Variants in ZNF816 observed in about 807,000 individuals in gnomAD.
ZNF816 encodes zinc finger protein 816, also known as zinc finger protein 816A.
A neutral mutation model predicts 8.3 loss-of-function variants in ZNF816; 11 were observed. The observed-to-expected ratio is 1.32, with a 90% CI of 0.83 to 2.19. The LOEUF is 2.19. ZNF816 is among the 30% of genes most tolerant of loss of function. The pLI, the probability that ZNF816 is intolerant of heterozygous loss-of-function variation, is 0.00. For missense variants in ZNF816, 710 were observed against 779.3 expected, an observed-to-expected ratio of 0.91 and a Z score of 1.06; for synonymous variants, 255 against 254.5, an observed-to-expected ratio of 1.00 and a Z score of -0.02.
At position 52,956,103 on chromosome 19, in the gene ZNF816, T is replaced by A. The variant is rs199848887; in HGVS notation, c.-14A>T. 59 of 1,601,464 alleles carry A rather than the reference T, an allele frequency of 3.7e-5. 1 individual carries two copies. The Admixed American group carries it at 1.1e-3, about 29-fold the overall frequency. ...CTCACGTAACATGAGTCTTTGGAAA[T>A]CCTGTATGTTAAAAAAGCAAGAGAT... On this transcript the variant is annotated splice_region_variant and 5_prime_UTR_variant, in exon 2 of 4. Transcript: ENST00000444460.
At chr19:52,955,884 G>T in intron 2 of ZNF816, 143 bp downstream of exon 2, 1 of 1,061,470 alleles carries the variant, frequency 9.4e-7, no homozygotes, top group Non-Finnish European at 1.4e-6. Flanking sequence ...AAGTGAAGAT[G>T]AGAGGGACTG....
At chr19:52,961,177 T>C (rs142799110) in intron 1 of ZNF816, among the ~76,000 whole-genome samples, 100 of 152,320 alleles carry the variant, frequency 6.6e-4, no homozygotes, top group African/African-American at 2.0e-3. Flanking sequence ...AAACCTACTA[T>C]GGGTTATAAC....
chr19:52,956,118 A>C lies in ZNF816; in HGVS notation c.-15-14T>G. ...TCTTTGGAAATCCTGTATGTTAAAA[A>C]AGCAAGAGATTTAATATTTAGAAAC... On this transcript the variant is annotated splice_polypyrimidine_tract_variant and intron_variant, in intron 1 of 3. Transcript: ENST00000444460. 6.3e-7 allele frequency: 1 copy of C among 1,598,278 alleles called. No homozygotes were observed. The highest frequency in any genetic ancestry group is 8.5e-7 in the Non-Finnish European group (1 of 1,175,746).
rs746604739 is a variant in ZNF816 at position 52,950,387 on chromosome 19, C to T, written c.1388G>A (p.Ser463Asn). 15 of 1,612,618 alleles carry T rather than the reference C, an allele frequency of 9.3e-6. No homozygotes were observed. Among genetic ancestry groups the T allele is most frequent in the Admixed American group, 5.0e-5 (3 of 59,870 alleles). Residue 463 changes from serine to asparagine, a missense_variant, in exon 4 of 4, where the codon AGT (serine) becomes AAT (asparagine). Coordinates refer to ENST00000444460, the MANE Select transcript of ZNF816 (RefSeq NM_001202457.3). ...YKCNKCGRSF[S>N]RKSSLQYHHT... ...ATGGTATTGAAGGGATGACTTCCGA[C>T]TGAAACTCCTGCCACATTTATTACA... is the stretch of plus-strand genomic sequence containing the variant.
rs1600718643 is a variant in ZNF816, at chr19:52,951,548, G to T, written c.227C>A (p.Thr76Asn). The T allele has an allele frequency of 6.3e-7, 1 of 1,576,108 alleles. No individual in the cohort carries two copies. The highest frequency in any genetic ancestry group is 2.2e-5 in the East Asian group (1 of 44,582). The stretch of plus-strand genomic sequence containing the variant: ...CACTTCTCCTGTAATACTGTGCCTG[G>T]TTGATGAGAACTCCATCATGGATTT... ...SLKSMMEFSSTRHSITGEVIH... is the reference protein window; with the variant it reads ...SLKSMMEFSSNRHSITGEVIH... Residue 76 changes from threonine (T) to asparagine (N), a missense_variant, in exon 4 of 4, where the codon ACC becomes AAC. Transcript: ENST00000444460.
intron 3 of ZNF816, chr19:52,951,924 G>A (rs1363086188): frequency 2.4e-6 from 1 of 415,982 alleles, no homozygotes. Flanking sequence ...TCAGTCAAGA[G>A]CCTCATATAT....
Position 52,953,521 on chromosome 19 carries a change from ATTTATAAT to A in ZNF816, c.64-652_64-645del, listed in dbSNP as rs1568438311. The A allele has an allele frequency of 1.7e-3, 77 of 45,028 alleles. 2 individuals are homozygous for A. The African/African-American group carries it at 0.033, about 19-fold the overall frequency. The allele number at this position is 45,028 out of a possible 1,614,324, so 2.8% of individuals were successfully genotyped here. A position where few individuals can be genotyped will look rare whatever the true frequency, so the allele number is the denominator to read the frequency against. On this transcript the variant is annotated intron_variant, in intron 2 of 3. Coordinates refer to ENST00000444460, the MANE Select transcript of ZNF816 (RefSeq NM_001202457.3). ...TAATATTTAATTATATATAATATAT[ATTTATAAT>A]ATATAATATATAATACAATATTATA... is the stretch of plus-strand genomic sequence containing the variant.
At position 52,951,271 on chromosome 19, in the gene ZNF816, G is replaced by C; in HGVS notation, c.504C>G (p.His168Gln). ...LSFHSHLPELHMFQTKGKISN... is the reference protein window; with the variant it reads ...LSFHSHLPELQMFQTKGKISN... Reference sequence around the variant, plus strand: ...TAATTTTCCCTTTAGTCTGAAACATGTGGAGTTCAGGCAGATGCGAATGAA... The same window carrying C: ...TAATTTTCCCTTTAGTCTGAAACATCTGGAGTTCAGGCAGATGCGAATGAA... The change falls in exon 4 of 4, where the codon CAC becomes CAG. Residue 168 changes from histidine to glutamine, a missense_variant. Coordinates refer to ENST00000444460, the MANE Select transcript of ZNF816 (RefSeq NM_001202457.3). The C allele has an allele frequency of 6.2e-7, 1 of 1,614,068 alleles. No individual in the cohort carries two copies. The highest frequency in any genetic ancestry group is 8.5e-7 in the Non-Finnish European group (1 of 1,180,036).
chr19:52,958,314 G>A (rs1221862700), intron 1 of ZNF816, among the ~76,000 whole-genome samples: 1 of 152,218 alleles, frequency 6.6e-6, no homozygotes, highest in African/African-American at 2.4e-5. Flanking sequence ...GCTGAGGACA[G>A]CTGGTTCTCT....
intron 2 of ZNF816, among the ~76,000 whole-genome samples, chr19:52,954,756 A>G: frequency 6.7e-6 from 1 of 148,332 alleles, no homozygotes; most frequent in East Asian, 2.1e-4. Context: ...CCTGAGAGCC[A>G]GAGGTTGCAA....
Position 52,950,356 on chromosome 19 carries a change from T to C in ZNF816, c.1419A>G (p.Thr473=). 6.2e-7 allele frequency: 1 copy of C among 1,613,834 alleles called. No homozygotes were observed. The highest frequency in any genetic ancestry group is 2.2e-5 in the East Asian group (1 of 44,832). ...SRKSSLQYHH[T]LHTGEKPYTC... is the part of the protein sequence containing the mutation. ...TGTAAGGTTTCTCTCCAGTGTGAAG[T>C]GTATGATGGTATTGAAGGGATGACT... Residue 473 remains threonine, a synonymous_variant, in exon 4 of 4, where the codon ACA becomes ACG. Transcript: ENST00000444460.
chr19:52,955,536 TGG>T, intron 2 of ZNF816, among the ~76,000 whole-genome samples: 1 of 152,178 alleles, frequency 6.6e-6, no homozygotes, highest in Non-Finnish European at 1.5e-5. Flanking sequence ...AACAAAAGTT[TGG>T]CGTCAGAGAC....
At chr19:52,961,631 A>T (rs1458175675) in intron 1 of ZNF816, among the ~76,000 whole-genome samples, 1 of 152,128 alleles carries the variant, frequency 6.6e-6, no homozygotes, top group Non-Finnish European at 1.5e-5. Context: ...GACAAGGGTA[A>T]CCCCCCAAGT....
At chr19:52,961,567 T>C (rs1265476380) in intron 1 of ZNF816, among the ~76,000 whole-genome samples, 5 of 152,164 alleles carry the variant, frequency 3.3e-5, no homozygotes, top group Non-Finnish European at 7.3e-5. Context: ...TAATCACTAA[T>C]TCCCTAGACC....
chr19:52,953,936 G>A (rs1323858942), intron 2 of ZNF816, among the ~76,000 whole-genome samples: 2 of 147,938 alleles, frequency 1.4e-5, no homozygotes, highest in East Asian at 4.0e-4. Flanking sequence ...AACTATTCAG[G>A]AAGCTGAAAC....
intron 1 of ZNF816, among the ~76,000 whole-genome samples, chr19:52,958,958 C>G (rs1302419195): frequency 1.3e-5 from 2 of 152,204 alleles, no homozygotes; most frequent in Non-Finnish European, 1.5e-5. Flanking sequence ...AGCCCCAGCC[C>G]TGGGGTTACC....
At position 52,950,431 on chromosome 19, in the gene ZNF816, A is replaced by T; in HGVS notation, c.1344T>A (p.Thr448=). 6.2e-7 allele frequency: 1 copy of T among 1,613,756 alleles called. No individual in the cohort carries two copies. Among genetic ancestry groups the T allele is most frequent in the African/African-American group, 1.3e-5 (1 of 74,852 alleles). ...TATTACACTTGTATGGTTTCTCTCC[A>T]GTATGAACTCTCTGATGTTCTGCAA... ...SYLAEHQRVH[T]GEKPYKCNKC... is the part of the protein sequence containing the mutation. The change falls in exon 4 of 4, where the codon ACT becomes ACA. Residue 448 remains threonine (T), a synonymous_variant. Coordinates refer to ENST00000444460, the MANE Select transcript of ZNF816 (RefSeq NM_001202457.3).
chr19:52,953,846 C>T (rs1258778957), intron 2 of ZNF816, among the ~76,000 whole-genome samples: 1 of 148,630 alleles, frequency 6.7e-6, no homozygotes, highest in African/African-American at 2.5e-5. Flanking sequence ...TAGAGACCAA[C>T]CTCTCCAACA....
intron 1 of ZNF816, 66 bp from the exon 2 acceptor site, chr19:52,956,170 A>T (rs2083508592): frequency 6.5e-7 from 1 of 1,533,294 alleles, no homozygotes; most frequent in Non-Finnish European, 8.8e-7. Context: ...GTGACAAAAC[A>T]CACACACAGG....
Sources: gnomAD v4.1 joint callset for allele counts (sites outside exome capture counted in the v4.1 genomes callset) on GRCh38, gnomAD v4.1.1 for gene constraint, MANE v1.5 for transcripts, NCBI Gene and HGNC (gene_info 2026-07-23, HGNC 2026-07-21) for gene names.